NCEH1: variants seen among roughly 807,000 people sequenced by gnomAD.
NCEH1 encodes 2-acetyl MAGE hydrolase.
A neutral mutation model predicts 25.4 loss-of-function variants in NCEH1; 9 were observed. The observed-to-expected ratio is 0.35, with a 90% confidence interval of 0.21 to 0.62. The LOEUF is 0.62. NCEH1 is among the 20% of genes least tolerant of loss of function. The pLI is 0.72. For missense variants in NCEH1, 412 were observed against 501.1 expected (o/e 0.82, Z 1.70); for synonymous variants, 200 against 199.8 (o/e 1.00, Z -0.01).
intron 3 of NCEH1, among the ~76,000 whole-genome samples, chr3:172,642,838 T>C (rs1380173718): frequency 1.3e-5 from 2 of 152,232 alleles, no homozygotes; most frequent in African/African-American, 2.4e-5. Context: ...TTACCTAGCA[T>C]GCACACTCCA....
chr3:172,655,305 G>A (rs1316822631), intron 1 of NCEH1, among the ~76,000 whole-genome samples: 1 of 152,214 alleles, frequency 6.6e-6, no homozygotes. Context: ...TTCCACCTAA[G>A]GAGATGGAAG....
chr3:172,652,038 A>G (rs2901811), intron 1 of NCEH1, among the ~76,000 whole-genome samples: 100,867 of 151,998 alleles, frequency 0.66, 33,785 homozygotes, highest in East Asian at 0.94. Context: ...ACCCTGGGGT[A>G]CAAAAACTCC....
At chr3:172,669,657 C>A (rs1390495467) in intron 1 of NCEH1, among the ~76,000 whole-genome samples, 6 of 152,222 alleles carry the variant, frequency 3.9e-5, no homozygotes, top group Non-Finnish European at 8.8e-5. Flanking sequence ...CTGCTTCAGC[C>A]TCCTGAGTAG....
intron 1 of NCEH1, among the ~76,000 whole-genome samples, chr3:172,680,400 C>A (rs1712280838): frequency 6.6e-6 from 1 of 152,184 alleles, no homozygotes; most frequent in Non-Finnish European, 1.5e-5. Context: ...GCCCCCCTCC[C>A]CCTACTACTC....
chr3:172,679,114 T>C (rs761867908), intron 1 of NCEH1, among the ~76,000 whole-genome samples: 4 of 152,092 alleles, frequency 2.6e-5, no homozygotes, highest in Non-Finnish European at 5.9e-5. Context: ...GAGGCACAGG[T>C]ACAGGAGAAC....
At chr3:172,693,294 T>A (rs1387083454) in intron 1 of NCEH1, among the ~76,000 whole-genome samples, 1 of 152,216 alleles carries the variant, frequency 6.6e-6, no homozygotes, top group Non-Finnish European at 1.5e-5. Context: ...TAAGACTATA[T>A]GTTTAAGTAT....
chr3:172,665,804 A>G (rs1351042102), intron 1 of NCEH1, among the ~76,000 whole-genome samples: 1 of 152,190 alleles, frequency 6.6e-6, no homozygotes, highest in East Asian at 1.9e-4. Flanking sequence ...CGCGGGATAT[A>G]ATCTCCTGGT....
At chr3:172,690,175 T>A (rs1712958736) in intron 1 of NCEH1, among the ~76,000 whole-genome samples, 1 of 152,156 alleles carries the variant, frequency 6.6e-6, no homozygotes, top group African/African-American at 2.4e-5. Flanking sequence ...AGTGCTGGGA[T>A]TACAAGCGTG....
chr3:172,639,630 A>G (rs1177079957), intron 3 of NCEH1, among the ~76,000 whole-genome samples: 1 of 152,212 alleles, frequency 6.6e-6, no homozygotes, highest in Non-Finnish European at 1.5e-5. Context: ...CAAAGATGTT[A>G]TATCATATTA....
chr3:172,703,489 T>C (rs1026867822), intron 1 of NCEH1, among the ~76,000 whole-genome samples: 6 of 141,182 alleles, frequency 4.2e-5, no homozygotes, highest in African/African-American at 1.7e-4. Context: ...GATCGCACCA[T>C]TGCATTCCCG....
At chr3:172,640,912 T>C (rs939126238) in intron 3 of NCEH1, among the ~76,000 whole-genome samples, 13 of 152,164 alleles carry the variant, frequency 8.5e-5, no homozygotes, top group African/African-American at 2.9e-4. Flanking sequence ...AGCAATCCTC[T>C]CACCTCTGCC....
intron 1 of NCEH1, among the ~76,000 whole-genome samples, chr3:172,690,528 C>T (rs1335710006): frequency 6.6e-6 from 1 of 152,030 alleles, no homozygotes; most frequent in African/African-American, 2.4e-5. Flanking sequence ...ATAGGACCTG[C>T]AAAAATATTT....
chr3:172,690,085 A>G (rs565569545), intron 1 of NCEH1, among the ~76,000 whole-genome samples: 3 of 151,848 alleles, frequency 2.0e-5, no homozygotes, highest in African/African-American at 7.2e-5. Context: ...TTGTATTTTT[A>G]GTAGAGACGG....
At chr3:172,696,067 C>G (rs1282429157) in intron 1 of NCEH1, among the ~76,000 whole-genome samples, 1 of 152,144 alleles carries the variant, frequency 6.6e-6, no homozygotes, top group Non-Finnish European at 1.5e-5. Flanking sequence ...AAAACTTTAA[C>G]TTTAGGAAGA....
rs117908392 is a variant in NCEH1 at position 172,634,945 on chromosome 3, T to C, written c.610-853A>G. ...AGCAAGAATGGTCAGTAAATAGCAC[T>C]TTGAATATGTGCCAAAAATTGTATA... On this transcript the variant is annotated intron_variant, in intron 4 of 4. Transcript: ENST00000475381. 9.2e-5 allele frequency among the ~76,000 whole-genome samples: 14 copies of C among 152,322 alleles called. No homozygotes were observed. In the East Asian group the frequency reaches 1.7e-3, roughly 19 times the overall value.
Position 172,688,780 on chromosome 3 carries a change from GGCAAT to G in NCEH1, c.138+22062_138+22066del, listed in dbSNP as rs1712854782. On this transcript the variant is annotated intron_variant, in intron 1 of 4. Coordinates refer to ENST00000475381, the MANE Select transcript of NCEH1 (RefSeq NM_020792.6). ...GTCCAGTACTGTGCTAAGGGTCACA[GGCAAT>G]GCTACAAGGTGTTGGCCCTTGTCCT... Among the ~76,000 whole-genome samples the G allele has an allele frequency of 2.6e-5, 4 of 152,236 alleles. No individual in the cohort carries two copies. In the South Asian group the frequency reaches 8.3e-4, roughly 32 times the overall value.
rs1039066210 is a variant in NCEH1, at chr3:172,633,195, G to C, written c.*280C>G. The C allele has an allele frequency of 5.5e-6, 2 of 362,196 alleles. No homozygotes were observed. Among genetic ancestry groups the C allele is most frequent in the African/African-American group, 2.1e-5 (1 of 47,910 alleles). The allele number at this position is 362,196 out of a possible 1,614,324, so 22.4% of individuals were successfully genotyped here. A position where few individuals can be genotyped will look rare whatever the true frequency, so the allele number is the denominator to read the frequency against. On this transcript the variant is annotated 3_prime_UTR_variant, in exon 5 of 5. Transcript: ENST00000475381. Reference sequence around the variant, plus strand: ...AAAGTTATTTCCAGTTCCTAGTCCTGCTTTCTGTAGCTGTAGGTATCAGTA... The same window carrying C: ...AAAGTTATTTCCAGTTCCTAGTCCTCCTTTCTGTAGCTGTAGGTATCAGTA...
chr3:172,664,333 T>C (rs953295068), intron 1 of NCEH1, among the ~76,000 whole-genome samples: 13 of 152,242 alleles, frequency 8.5e-5, no homozygotes, highest in Non-Finnish European at 4.4e-5. Context: ...AGATCCACTA[T>C]TGGTCGGATG....
At chr3:172,681,776 G>A (rs777868558) in intron 1 of NCEH1, among the ~76,000 whole-genome samples, 14 of 151,258 alleles carry the variant, frequency 9.3e-5, no homozygotes, top group African/African-American at 1.9e-4. Flanking sequence ...GCATGATGGC[G>A]GATGCCTTTA....
Sources: gnomAD v4.1 joint callset for allele counts (sites outside exome capture counted in the v4.1 genomes callset) on GRCh38, gnomAD v4.1.1 for gene constraint, MANE v1.5 for transcripts, NCBI Gene and HGNC (gene_info 2026-07-23, HGNC 2026-07-21) for gene names.